Variants in H6PD observed in about 807,000 individuals in gnomAD.
The protein encoded by H6PD is GDH/6PGL endoplasmic bifunctional protein.
H6PD carries 48 observed loss-of-function variants against 61.2 expected under a neutral mutation model. The observed-to-expected ratio is 0.78, with a 90% CI of 0.62 to 1.00. The LOEUF is 1.00. Among genes scored for constraint, H6PD ranks in the 50% least tolerant of loss-of-function variants. The probability of loss-of-function intolerance (pLI) is 0.00; values close to 1 mark genes in which losing one functional copy is unlikely to be tolerated. For synonymous variants in H6PD, 480 were observed against 457.9 expected (o/e 1.05, Z -0.62); for missense variants, 1,093 against 1,065.0 (o/e 1.03, Z -0.37).
At position 9,244,880 on chromosome 1, in the gene H6PD, G is replaced by T. The variant is rs756038967; in HGVS notation, c.-10-45G>T. 5.7e-6 allele frequency: 9 copies of T among 1,589,478 alleles called. No homozygotes were observed. In the South Asian group the frequency reaches 1.0e-4, roughly 18 times the overall value. On this transcript the variant is annotated intron_variant, in intron 1 of 4. Coordinates refer to ENST00000377403, the MANE Select transcript of H6PD (RefSeq NM_004285.4). ...TCCACATCGTAGCCACCTGAACCAT[G>T]TCTGATCCTTCCTTGTTCCTCGTCT...
In H6PD at chr1:9,245,297, C is replaced by G. The variant is rs1223819858; in HGVS notation, c.363C>G (p.Asn121Lys). ...CGGCCGAGGACTATCAGGCCCTGAACAAGGACATCGAGGCACAGCTCCAGC... is the reference window on the plus strand; with the variant it reads ...CGGCCGAGGACTATCAGGCCCTGAAGAAGGACATCGAGGCACAGCTCCAGC... ...LKTAEDYQALNKDIEAQLQHA... is the reference protein window; with the variant it reads ...LKTAEDYQALKKDIEAQLQHA... The change falls in exon 2 of 5, where the codon AAC becomes AAG. Residue 121 changes from asparagine to lysine, a missense_variant. Transcript: ENST00000377403. This position sits in a 1 kb window ranked among gnomAD's most constrained non-coding sequence, Gnocchi z 4.8. 6 of 1,614,100 alleles carry G rather than the reference C, an allele frequency of 3.7e-6. No individual in the cohort carries two copies. Among genetic ancestry groups the G allele is most frequent in the African/African-American group, 1.3e-5 (1 of 74,950 alleles).
At chr1:9,259,185 G>T (rs1641629921) in intron 3 of H6PD, among the ~76,000 whole-genome samples, 1 of 152,182 alleles carries the variant, frequency 6.6e-6, no homozygotes, top group African/African-American at 2.4e-5. Flanking sequence ...GTAGAGACGG[G>T]GTTTCACCAT....
In H6PD at chr1:9,263,855, G is replaced by C; in HGVS notation, c.1362G>C (p.Glu454Asp). ...ACTACGCCTACAGCCCTGTGCGGGA[G>C]CGGGACGCCCACTCCGTCCTCTTAT... ...SDYYAYSPVR[E>D]RDAHSVLLSH... Residue 454 changes from glutamate (E) to aspartate (D), a missense_variant, in exon 5 of 5, where the codon GAG becomes GAC. By Grantham distance (45) the Glu-to-Asp change is conservative. Transcript: ENST00000377403. 1.4e-5 allele frequency: 23 copies of C among 1,614,030 alleles called. No homozygotes were observed. Among genetic ancestry groups the C allele is most frequent in the Non-Finnish European group, 1.9e-5 (22 of 1,180,012 alleles).
Position 9,245,418 on chromosome 1 carries a change from C to CAACATCAA in H6PD, c.484_485insAACATCAA (p.Pro162GlnfsTer48). On this transcript the variant is annotated frameshift_variant, in exon 2 of 5. Coordinates refer to ENST00000377403, the MANE Select transcript of H6PD (RefSeq NM_004285.4). LOFTEE classifies it high-confidence loss of function. This position sits in a 1 kb window ranked among gnomAD's most constrained non-coding sequence, Gnocchi z 4.8. ...CCGCAACATCAACAGTAGCTGCCGG[C>CAACATCAA]CAGGCCCGGGCGCCTGGCTGCGGGT... 1.9e-6 allele frequency: 3 copies of CAACATCAA among 1,614,146 alleles called. No homozygotes were observed. Among genetic ancestry groups the CAACATCAA allele is most frequent in the Non-Finnish European group, 2.5e-6 (3 of 1,180,012 alleles).
intron 1 of H6PD, chr1:9,242,875 C>T (rs1451332853): frequency 2.9e-5 from 29 of 985,322 alleles, no homozygotes; most frequent in Non-Finnish European, 3.3e-5. Context: ...TTCTCCTTCT[C>T]TCCAGACGAG....
In H6PD at chr1:9,263,588, AGT is replaced by A. The variant is rs759320700; in HGVS notation, c.1097_1098del (p.Val366GlyfsTer130). ...TGTCTGGCAAAGCCTTGGACGAGAG[AGT>A]GGGCTACGCTCGGATCTTGTTCAAG... ...LMSGKALDER[V>X]GYARILFKNQ... On this transcript the variant is annotated frameshift_variant, in exon 5 of 5. Coordinates refer to ENST00000377403, the MANE Select transcript of H6PD (RefSeq NM_004285.4). LOFTEE classifies it high-confidence loss of function. 1 of 1,614,134 alleles carries A rather than the reference AGT, an allele frequency of 6.2e-7. No individual in the cohort carries two copies. Among genetic ancestry groups the A allele is most frequent in the Non-Finnish European group, 8.5e-7 (1 of 1,180,000 alleles).
chr1:9,259,535 G>A (rs972493934), intron 3 of H6PD, among the ~76,000 whole-genome samples: 3 of 150,020 alleles, frequency 2.0e-5, no homozygotes, highest in Non-Finnish European at 4.5e-5. Flanking sequence ...GGTGTTATGT[G>A]GTTGTTACAC....
rs370751354 is a variant in H6PD, at chr1:9,237,236, CTTTTTTT to C, written c.-11+2190_-11+2196del. On this transcript the variant is annotated intron_variant, in intron 1 of 4. Transcript: ENST00000377403. Reference sequence around the variant, plus strand: ...ACCTTTGGTAAGTTATTTGACTTCTCTTTTTTTTTTTTTTTTTTTTTTTTTTGAGATG... The same window carrying C: ...ACCTTTGGTAAGTTATTTGACTTCTCTTTTTTTTTTTTTTTTTTTGAGATG... Among the ~76,000 whole-genome samples the C allele has an allele frequency of 4.8e-3, 341 of 71,062 alleles. 4 individuals are homozygous for C. The highest frequency in any genetic ancestry group is 0.015 in the African/African-American group (299 of 20,112). The allele number at this position is 71,062 out of a possible 152,430, so 46.6% of individuals were successfully genotyped here.
At chr1:9,246,473 C>A (rs1050775412) in intron 2 of H6PD, among the ~76,000 whole-genome samples, 10 of 152,176 alleles carry the variant, frequency 6.6e-5, no homozygotes, top group Non-Finnish European at 1.5e-4. Context: ...GCCCTGTGTT[C>A]TGGTACGTGG....
chr1:9,265,056 G>A lies in H6PD; in HGVS notation c.*187G>A. 1 of 660,462 alleles carries A rather than the reference G, an allele frequency of 1.5e-6. No homozygotes were observed. Among genetic ancestry groups the A allele is most frequent in the Non-Finnish European group, 2.7e-6 (1 of 369,220 alleles). The allele number at this position is 660,462 out of a possible 1,614,324, so 40.9% of individuals were successfully genotyped here. On this transcript the variant is annotated 3_prime_UTR_variant, in exon 5 of 5. Transcript: ENST00000377403. Reference sequence around the variant, plus strand: ...CTTTGACCGGCAGCTCTGTGTATTGGTGGATAGATGCAGAAACAAGGAAGA... The same window carrying A: ...CTTTGACCGGCAGCTCTGTGTATTGATGGATAGATGCAGAAACAAGGAAGA...
At position 9,270,169 on chromosome 1, in the gene H6PD, C is replaced by T. The variant is rs184073329; in HGVS notation, c.*5300C>T. ...CACTGGAGTAATGACACTTCTGCTG[C>T]TGCTTTGATTCTCAAGGCTGATCTT... is the stretch of plus-strand genomic sequence containing the variant. On this transcript the variant is annotated 3_prime_UTR_variant, in exon 5 of 5. Transcript: ENST00000377403. 2.0e-5 allele frequency: 3 copies of T among 152,806 alleles called. No homozygotes were observed. In the East Asian group the frequency reaches 5.8e-4, roughly 29 times the overall value. 9.5% of individuals were successfully genotyped at this position (152,806 alleles called of 1,614,324 possible).
At chr1:9,238,379 T>G (rs1211756191) in intron 1 of H6PD, among the ~76,000 whole-genome samples, 1 of 152,246 alleles carries the variant, frequency 6.6e-6, no homozygotes, top group Non-Finnish European at 1.5e-5. Flanking sequence ...TCACTCTGAC[T>G]GCCGTGTTGA....
intron 1 of H6PD, chr1:9,242,512 C>G (rs908232809): frequency 1.0e-6 from 1 of 953,302 alleles, no homozygotes; most frequent in Non-Finnish European, 1.2e-6. Flanking sequence ...AACCTCAGAA[C>G]CGGGGACCCA....
chr1:9,259,073 G>A (rs1641625976), intron 3 of H6PD, among the ~76,000 whole-genome samples: 3 of 152,116 alleles, frequency 2.0e-5, no homozygotes, highest in Admixed American at 2.0e-4. Context: ...CTCACTGCAA[G>A]CTCTGCCTCC....
At chr1:9,261,426 A>C (rs1638284992) in intron 3 of H6PD, among the ~76,000 whole-genome samples, 1 of 149,770 alleles carries the variant, frequency 6.7e-6, no homozygotes, top group Non-Finnish European at 1.5e-5. Flanking sequence ...CTGGCTCTTC[A>C]GGTCTCGGAG....
chr1:9,247,226 G>T, intron 3 of H6PD, 143 bp downstream of exon 3: 3 of 666,822 alleles, frequency 4.5e-6, no homozygotes, highest in Middle Eastern at 3.7e-4. Context: ...GCTCTGAACC[G>T]GGCTAAACCC....
chr1:9,264,530 C>T lies in H6PD; in HGVS notation c.2037C>T (p.Ala679=). The part of the protein sequence containing the change: ...GAQIYAREIS[A]LVANSSFDLV... ...AGATCTATGCCAGGGAGATCTCAGC[C>T]CTGGTGGCCAACAGCAGCTTCGACC... The change falls in exon 5 of 5, where the codon GCC becomes GCT. Residue 679 remains alanine, a synonymous_variant. Coordinates refer to ENST00000377403, the MANE Select transcript of H6PD (RefSeq NM_004285.4). 6.2e-7 allele frequency: 1 copy of T among 1,613,284 alleles called. No homozygotes were observed. Among genetic ancestry groups the T allele is most frequent in the Non-Finnish European group, 8.5e-7 (1 of 1,179,898 alleles).
At chr1:9,238,884 T>C (rs1356790167) in intron 1 of H6PD, among the ~76,000 whole-genome samples, 1 of 152,162 alleles carries the variant, frequency 6.6e-6, no homozygotes, top group Non-Finnish European at 1.5e-5. Flanking sequence ...ATCTGTGGTG[T>C]AAATATTCTG....
At chr1:9,263,084 G>A (rs1449912703) in intron 4 of H6PD, among the ~76,000 whole-genome samples, 3 of 151,952 alleles carry the variant, frequency 2.0e-5, no homozygotes, top group Non-Finnish European at 4.4e-5. Flanking sequence ...ACCCTGCGTC[G>A]GGTGCATCCT....
Sources: gnomAD v4.1 joint callset for allele counts (sites outside exome capture counted in the v4.1 genomes callset) on GRCh38, gnomAD v4.1.1 for gene constraint, Gnocchi (gnomAD v3.1) non-coding constraint, MANE v1.5 for transcripts, NCBI Gene and HGNC (gene_info 2026-07-23, HGNC 2026-07-21) for gene names.